Variants in ZNF420 observed in about 807,000 individuals in gnomAD.
The protein encoded by ZNF420 is ATM and p53-associated KZNF protein.
In ZNF420, 31 loss-of-function variants were observed where a neutral mutation model predicts 44.7. That is an observed-to-expected ratio of 0.69 (90% CI 0.52 to 0.94). ZNF420 has a LOEUF of 0.94. Ranked by LOEUF, ZNF420 falls within the 40% of genes least tolerant of loss-of-function variation. The probability of loss-of-function intolerance (pLI) is 0.00; values close to 1 mark genes in which losing one functional copy is unlikely to be tolerated. For synonymous variants in ZNF420, 245 were observed against 267.4 expected, an observed-to-expected ratio of 0.92 and a Z score of 0.82; for missense variants, 681 against 827.9, an observed-to-expected ratio of 0.82 and a Z score of 2.18.
intron 1 of ZNF420, among the ~76,000 whole-genome samples, chr19:37,018,783 T>C (rs1453212892): frequency 6.6e-6 from 1 of 152,176 alleles, no homozygotes; most frequent in African/African-American, 2.4e-5. Context: ...TTGGCCAGGC[T>C]GGTCTCGAAC....
chr19:37,059,916 T>C (rs1967842306), intron 1 of ZNF420, among the ~76,000 whole-genome samples: 1 of 152,096 alleles, frequency 6.6e-6, no homozygotes, highest in Non-Finnish European at 1.5e-5. Context: ...CCTCTGTCTG[T>C]ATGTGTGTGT....
intron 4 of ZNF420, among the ~76,000 whole-genome samples, chr19:37,118,044 ACT>A (rs1970794673): frequency 6.6e-6 from 1 of 152,214 alleles, no homozygotes; most frequent in South Asian, 2.1e-4. Flanking sequence ...GTTGGAAAAC[ACT>A]CTGCAGGATA....
intron 1 of ZNF420, among the ~76,000 whole-genome samples, chr19:37,040,769 A>G (rs549573147): frequency 6.6e-6 from 1 of 152,214 alleles, no homozygotes; most frequent in Admixed American, 6.5e-5. Context: ...TCTCCATACT[A>G]TTGTTTTGTG....
Position 37,091,064 on chromosome 19 carries a change from C to T in ZNF420, c.79C>T (p.Gln27Ter). The change falls in exon 4 of 5, where the codon CAG becomes TAG. Residue 27 changes from glutamine to a stop codon, truncating the protein, a stop_gained. Coordinates refer to ENST00000337995, the MANE Select transcript of ZNF420 (RefSeq NM_144689.5). LOFTEE classifies it high-confidence loss of function. Reference protein sequence around the residue: ...QEEWECLDSAQRDLYRDVMLE... With the variant: ...QEEWECLDSA Reference sequence around the variant, plus strand: ...AGAGTGGGAATGCCTGGACTCTGCTCAGAGAGATTTGTATAGAGATGTGAT... The same window carrying T: ...AGAGTGGGAATGCCTGGACTCTGCTTAGAGAGATTTGTATAGAGATGTGAT... The T allele has an allele frequency of 1.2e-6, 2 of 1,613,072 alleles. No individual in the cohort carries two copies. The highest frequency in any genetic ancestry group is 1.7e-5 in the Admixed American group (1 of 59,896).
intron 1 of ZNF420, among the ~76,000 whole-genome samples, chr19:37,012,758 ATATGTCTC>A (rs1456070723): frequency 4.0e-5 from 4 of 100,098 alleles, no homozygotes; most frequent in South Asian, 3.9e-4. Context: ...TGCCACTGCT[ATATGTCTC>A]TGTGTGTGTG....
In ZNF420 at chr19:37,064,454, C is replaced by T. The variant is rs1359489094; in HGVS notation, c.-124-15891C>T. On this transcript the variant is annotated intron_variant, in intron 1 of 4. Transcript: ENST00000587029. Reference sequence around the variant, plus strand: ...TAACAGGTTCCTATCATTCTTTGAGCGCCCCTTACTTACACATATAAAAGA... The same window carrying T: ...TAACAGGTTCCTATCATTCTTTGAGTGCCCCTTACTTACACATATAAAAGA... Among the ~76,000 whole-genome samples, 8 of 152,042 alleles carry T rather than the reference C, an allele frequency of 5.3e-5. No individual in the cohort carries two copies. The South Asian group carries it at 1.5e-3, about 28-fold the overall frequency.
Position 37,129,588 on chromosome 19 carries a change from A to T in ZNF420, c.*530A>T, listed in dbSNP as rs1293528451. ...CTTATGAGTATAATGAATATTGAGA[A>T]ATCTTTTATCAACACATCCAAGATG... is the stretch of plus-strand genomic sequence containing the variant. On this transcript the variant is annotated 3_prime_UTR_variant, in exon 5 of 5. Transcript: ENST00000337995. 1 of 158,046 alleles carries T rather than the reference A, an allele frequency of 6.3e-6. No homozygotes were observed. Among genetic ancestry groups the T allele is most frequent in the Non-Finnish European group, 1.4e-5 (1 of 72,012 alleles). 9.8% of individuals were successfully genotyped at this position (158,046 alleles called of 1,614,324 possible). A position where few individuals can be genotyped will look rare whatever the true frequency, so the allele number is the denominator to read the frequency against.
intron 1 of ZNF420, chr19:37,025,286 T>C (rs772525687): frequency 5.2e-5 from 13 of 251,934 alleles, no homozygotes; most frequent in Middle Eastern, 4.6e-4. Flanking sequence ...TTTTCCTTGT[T>C]TTCTGTAACA....
intron 4 of ZNF420, among the ~76,000 whole-genome samples, chr19:37,116,527 C>G (rs532192412): frequency 6.6e-6 from 1 of 152,052 alleles, no homozygotes; most frequent in East Asian, 1.9e-4. Flanking sequence ...CCAGCATGAA[C>G]GACGCAGAAG....
chr19:37,083,161 G>A (rs1033765196), intron 2 of ZNF420, among the ~76,000 whole-genome samples: 16 of 147,236 alleles, frequency 1.1e-4, no homozygotes, highest in African/African-American at 3.8e-4. Flanking sequence ...GCCTGGCCCC[G>A]TTTTTGCTTT....
chr19:37,013,343 C>T (rs1379285245), intron 1 of ZNF420, among the ~76,000 whole-genome samples: 1 of 152,150 alleles, frequency 6.6e-6, no homozygotes, highest in African/African-American at 2.4e-5. Flanking sequence ...GTGGCGTGTG[C>T]AGGTTCTCAC....
intron 1 of ZNF420, among the ~76,000 whole-genome samples, chr19:37,063,087 G>A (rs575049417): frequency 6.2e-5 from 7 of 113,472 alleles, no homozygotes; most frequent in South Asian, 5.2e-4. Flanking sequence ...TTCACTCTTC[G>A]ATCTATCCAT....
intron 1 of ZNF420, among the ~76,000 whole-genome samples, chr19:37,023,425 G>A (rs1163602922): frequency 6.6e-6 from 1 of 152,014 alleles, no homozygotes; most frequent in Admixed American, 6.6e-5. Context: ...GAGTGCAGTG[G>A]CGCAATCTTG....
At chr19:37,107,757 G>C (rs1297887208) in intron 4 of ZNF420, 1 of 152,428 alleles carries the variant, frequency 6.6e-6, no homozygotes, top group Non-Finnish European at 1.5e-5. Flanking sequence ...TAGAACTTCC[G>C]ATGGTCTTAA....
chr19:37,012,760 A>ATATGTG (rs1555743770), intron 1 of ZNF420, among the ~76,000 whole-genome samples: 2 of 101,938 alleles, frequency 2.0e-5, no homozygotes, highest in Admixed American at 1.0e-4. Flanking sequence ...CCACTGCTAT[A>ATATGTG]TGTCTCTGTG....
At chr19:37,089,636 C>T (rs1334281891) in intron 3 of ZNF420, among the ~76,000 whole-genome samples, 3 of 152,084 alleles carry the variant, frequency 2.0e-5, no homozygotes, top group Non-Finnish European at 4.4e-5. Flanking sequence ...ATTTGAAATT[C>T]GACATTATGT....
intron 4 of ZNF420, among the ~76,000 whole-genome samples, chr19:37,119,992 C>T (rs1311154866): frequency 6.6e-6 from 1 of 152,080 alleles, no homozygotes; most frequent in Non-Finnish European, 1.5e-5. Flanking sequence ...AGCTTACCAA[C>T]CAAAAAGAGT....
chr19:37,120,166 C>A (rs1296213821), intron 4 of ZNF420, among the ~76,000 whole-genome samples: 1 of 152,034 alleles, frequency 6.6e-6, no homozygotes. Flanking sequence ...AGAGACACAG[C>A]CAAAAAAGAG....
At chr19:37,075,316 A>C (rs1968126678), upstream of ZNF420, 1 of 152,134 alleles carries the variant, frequency 6.6e-6, no homozygotes, top group Non-Finnish European at 1.5e-5. Flanking sequence ...CTAAGGTGTA[A>C]GTTTTTCTGG....
Sources: allele counts gnomAD v4.1 joint callset (sites outside exome capture counted in the v4.1 genomes callset), GRCh38; gene constraint gnomAD v4.1.1; transcripts MANE v1.5; gene names NCBI Gene and HGNC (gene_info 2026-07-23, HGNC 2026-07-21).